Variants in VIT observed in about 807,000 individuals in gnomAD.
VIT encodes the protein vitrin.
Under a neutral mutation model 78.0 loss-of-function variants are expected in VIT, and 99 were observed. That is an observed-to-expected ratio of 1.27 (90% CI 1.08 to 1.50). The LOEUF is 1.50. Among genes scored for constraint, VIT ranks in the 40% most tolerant of loss-of-function variants. The pLI, the probability that VIT is intolerant of heterozygous loss-of-function variation, is 0.00. For missense variants in VIT, 1,126 were observed against 875.3 expected (o/e 1.29, Z -3.61); for synonymous variants, 374 against 334.3 (o/e 1.12, Z -1.29).
intron 15 of VIT, among the ~76,000 whole-genome samples, chr2:36,810,827 T>C (rs1333984104): frequency 6.6e-6 from 1 of 151,942 alleles, no homozygotes; most frequent in African/African-American, 2.4e-5. Context: ...AGAGACAGGG[T>C]TTCACCGCAT....
rs780596899 is a variant in VIT at position 36,716,360 on chromosome 2, T to G, written c.-11T>G. On this transcript the variant is annotated 5_prime_UTR_variant, in exon 2 of 16. Coordinates refer to ENST00000379242, the MANE Select transcript of VIT (RefSeq NM_053276.4). ...TTGTTTCTTTCTCTCCAGGGTGTCA[T>G]TCTGATATTTATGAGGACTGTTGTT... The G allele has an allele frequency of 1.2e-6, 2 of 1,613,568 alleles. No individual in the cohort carries two copies. Among genetic ancestry groups the G allele is most frequent in the Non-Finnish European group, 1.7e-6 (2 of 1,179,662 alleles).
intron 1 of VIT, among the ~76,000 whole-genome samples, chr2:36,700,937 A>C (rs773793456): frequency 2.0e-5 from 3 of 152,092 alleles, no homozygotes; most frequent in Non-Finnish European, 4.4e-5. Flanking sequence ...GAAGCCACAC[A>C]GCTAGTAAGG....
At chr2:36,788,137 T>C (rs1665235501) in intron 12 of VIT, 1 of 231,176 alleles carries the variant, frequency 4.3e-6, no homozygotes, top group African/African-American at 2.4e-5. Context: ...ATGGGTATCA[T>C]GCCTTCTACA....
At chr2:36,792,309 C>T (rs527408115) in intron 12 of VIT, among the ~76,000 whole-genome samples, 1 of 152,340 alleles carries the variant, frequency 6.6e-6, no homozygotes, top group Non-Finnish European at 1.5e-5. Flanking sequence ...CCACAAGCCG[C>T]ACTCCTCAGG....
chr2:36,755,166 A>C, intron 5 of VIT, 112 bp downstream of exon 5: 2 of 1,224,840 alleles, frequency 1.6e-6, no homozygotes, highest in Middle Eastern at 2.0e-4. Context: ...TAAAAATCTG[A>C]AGCATTCGTT....
intron 2 of VIT, among the ~76,000 whole-genome samples, 154 bp downstream of exon 2, chr2:36,716,576 G>C (rs557833068): frequency 6.6e-6 from 1 of 152,300 alleles, no homozygotes; most frequent in South Asian, 2.1e-4. Context: ...TTTTAAGTAA[G>C]AATGTTAAGC....
chr2:36,814,068 TG>T, intron 15 of VIT, 114 bp from the exon 16 acceptor site: 2 of 1,291,278 alleles, frequency 1.5e-6, no homozygotes, highest in South Asian at 3.0e-5. Flanking sequence ...TTGTTTTGTT[TG>T]GGCATATTTC....
intron 11 of VIT, among the ~76,000 whole-genome samples, chr2:36,784,354 C>T (rs961034742): frequency 6.6e-6 from 1 of 152,176 alleles, no homozygotes; most frequent in Admixed American, 6.5e-5. Context: ...ATCAGGTTCT[C>T]CCTAGACCTT....
At chr2:36,701,844 A>G (rs4670159) in intron 1 of VIT, among the ~76,000 whole-genome samples, 126,566 of 152,140 alleles carry the variant, frequency 0.83, 53,366 homozygotes, top group Middle Eastern at 0.95. Flanking sequence ...AAAAGAATTC[A>G]GGGGAAGAGA....
Position 36,787,279 on chromosome 2 carries a change from A to G in VIT, c.1058+3A>G. On this transcript the variant is annotated splice_donor_region_variant and intron_variant, in intron 12 of 15. Coordinates refer to ENST00000379242, the MANE Select transcript of VIT (RefSeq NM_053276.4). ...CTGATGGGTGTTGTCCAGTATGGGT[A>G]AGTGCAGTTAATGTTCTGAATCCAG... is the stretch of plus-strand genomic sequence containing the variant. 2 of 1,608,980 alleles carry G rather than the reference A, an allele frequency of 1.2e-6. No homozygotes were observed. Among genetic ancestry groups the G allele is most frequent in the Non-Finnish European group, 1.7e-6 (2 of 1,176,764 alleles).
intron 1 of VIT, among the ~76,000 whole-genome samples, chr2:36,709,011 A>G (rs1665628995): frequency 6.6e-6 from 1 of 152,138 alleles, no homozygotes; most frequent in Non-Finnish European, 1.5e-5. Flanking sequence ...TTAGCCAGGT[A>G]TGGTGGTGGA....
At chr2:36,773,687 G>A (rs1380353382) in intron 7 of VIT, 104 bp from the exon 8 acceptor site, 23 of 1,016,132 alleles carry the variant, frequency 2.3e-5, no homozygotes, top group Non-Finnish European at 2.6e-6. Context: ...TCGCACCACT[G>A]CACTCCAGCT....
intron 2 of VIT, among the ~76,000 whole-genome samples, chr2:36,724,297 T>G (rs1573154675): frequency 1.3e-5 from 2 of 152,120 alleles, no homozygotes; most frequent in South Asian, 4.1e-4. Flanking sequence ...GCCTTGGAAT[T>G]TGGGGTTCCA....
At position 36,808,833 on chromosome 2, in the gene VIT, G is replaced by A. The variant is rs758652528; in HGVS notation, c.1751G>A (p.Ser584Asn). ...LNAIKRVGYW[S>N]GGTSTGAAIN... ...GCCATCAAGAGGGTGGGCTACTGGAGTGGTGGCACCAGCACGGGGGCTGCC... is the reference window on the plus strand; with the variant it reads ...GCCATCAAGAGGGTGGGCTACTGGAATGGTGGCACCAGCACGGGGGCTGCC... Residue 584 changes from serine to asparagine, a missense_variant, in exon 15 of 16, where the codon AGT (serine) becomes AAT (asparagine). Ser to Asn is a conservative substitution (Grantham distance 46, BLOSUM62 1). Coordinates refer to ENST00000379242, the MANE Select transcript of VIT (RefSeq NM_053276.4). The A allele has an allele frequency of 6.2e-7, 1 of 1,614,226 alleles. No individual in the cohort carries two copies. The highest frequency in any genetic ancestry group is 1.6e-4 in the Middle Eastern group (1 of 6,062).
intron 4 of VIT, among the ~76,000 whole-genome samples, chr2:36,751,255 G>A (rs1558538768): frequency 6.6e-6 from 1 of 152,200 alleles, no homozygotes; most frequent in Non-Finnish European, 1.5e-5. Context: ...AATCAGCTGG[G>A]TGTGGTGGTG....
chr2:36,707,047 T>A (rs948334939), intron 1 of VIT, among the ~76,000 whole-genome samples: 3 of 152,150 alleles, frequency 2.0e-5, no homozygotes, highest in Non-Finnish European at 4.4e-5. Context: ...AACAGTTTAG[T>A]GAGAAAACTC....
intron 6 of VIT, among the ~76,000 whole-genome samples, chr2:36,766,737 T>C (rs1231649948): frequency 1.3e-5 from 2 of 152,154 alleles, no homozygotes; most frequent in Non-Finnish European, 2.9e-5. Flanking sequence ...AGGCCAATGC[T>C]AATCAAATCA....
intron 12 of VIT, among the ~76,000 whole-genome samples, chr2:36,796,514 T>C (rs1201619237): frequency 1.3e-5 from 2 of 152,172 alleles, no homozygotes; most frequent in Non-Finnish European, 2.9e-5. Context: ...GAATCGACAA[T>C]TGCTCTATAA....
chr2:36,698,489 C>A (rs980504492), intron 1 of VIT, among the ~76,000 whole-genome samples: 11 of 152,204 alleles, frequency 7.2e-5, no homozygotes, highest in Admixed American at 2.0e-4. Flanking sequence ...TCTGCCACTA[C>A]CTATTACCTT....
Sources: gnomAD v4.1 joint callset for allele counts (sites outside exome capture counted in the v4.1 genomes callset) on GRCh38, gnomAD v4.1.1 for gene constraint, MANE v1.5 for transcripts, NCBI Gene and HGNC (gene_info 2026-07-23, HGNC 2026-07-21) for gene names.